IL1R2: variants seen among roughly 807,000 people sequenced by gnomAD.
The protein encoded by IL1R2 is interleukin-1 receptor type 2.
IL1R2 carries 46 observed loss-of-function variants against 39.5 expected under a neutral mutation model. The ratio of observed to expected loss-of-function variants is 1.16; its 90% CI spans 0.92 to 1.49. The LOEUF is 1.49. IL1R2 is among the 40% of genes most tolerant of loss of function. The pLI, the probability that IL1R2 is intolerant of heterozygous loss-of-function variation, is 0.00. For missense variants in IL1R2, 537 were observed against 502.0 expected (o/e 1.07, Z -0.67); for synonymous variants, 207 against 189.6 (o/e 1.09, Z -0.75).
At chr2:102,018,749 C>T (rs1380381793) in intron 4 of IL1R2, among the ~76,000 whole-genome samples, 1 of 152,126 alleles carries the variant, frequency 6.6e-6, no homozygotes, top group Non-Finnish European at 1.5e-5. Context: ...AAAACTCAAA[C>T]CCAGGAGGCC....
intron 2 of IL1R2, among the ~76,000 whole-genome samples, chr2:102,009,125 C>T (rs1387239299): frequency 2.6e-5 from 4 of 152,174 alleles, no homozygotes; most frequent in Non-Finnish European, 5.9e-5. Flanking sequence ...GAAGAAGTGA[C>T]GTGTTTGCCC....
intron 3 of IL1R2, among the ~76,000 whole-genome samples, chr2:102,011,309 T>C (rs1676615774): frequency 6.6e-6 from 1 of 152,232 alleles, no homozygotes; most frequent in African/African-American, 2.4e-5. Flanking sequence ...TGAGGAACTA[T>C]CATACTGTTT....
chr2:102,019,208 A>T (rs924133295), intron 4 of IL1R2, among the ~76,000 whole-genome samples: 1 of 152,176 alleles, frequency 6.6e-6, no homozygotes, highest in Non-Finnish European at 1.5e-5. Flanking sequence ...CAAAATTGAA[A>T]TGCTTTTTAA....
In IL1R2 at chr2:102,019,969, C is replaced by T. The variant is rs3218945; in HGVS notation, c.688+157C>T. Among the ~76,000 whole-genome samples the T allele has an allele frequency of 9.5e-3, 1,439 of 152,240 alleles. 22 individuals carry two copies. The highest frequency in any genetic ancestry group is 0.03 in the African/African-American group (1,239 of 41,538). On this transcript the variant is annotated intron_variant, in intron 5 of 8. Transcript: ENST00000332549. ...CTCCTGAAGCATCAGGTTAATAAGA[C>T]GTGTGTGATACTTTGAAAGGTATAA... is the stretch of plus-strand genomic sequence containing the variant.
chr2:102,002,759 T>TCTATAA (rs1675960834), intron 1 of IL1R2, among the ~76,000 whole-genome samples: 1 of 148,890 alleles, frequency 6.7e-6, no homozygotes, highest in Non-Finnish European at 1.5e-5. Flanking sequence ...TATATCTATA[T>TCTATAA]CTATATCTAT....
chr2:102,022,991 G>T (rs550035670), intron 6 of IL1R2, among the ~76,000 whole-genome samples: 1 of 152,284 alleles, frequency 6.6e-6, no homozygotes, highest in African/African-American at 2.4e-5. Flanking sequence ...AGGGCATCAC[G>T]TTGGCTCAGT....
chr2:102,015,488 C>T (rs1676937586), intron 3 of IL1R2, among the ~76,000 whole-genome samples: 1 of 152,234 alleles, frequency 6.6e-6, no homozygotes, highest in Non-Finnish European at 1.5e-5. Flanking sequence ...AGCGTTGTCA[C>T]TTAACTTACC....
Position 102,026,207 on chromosome 2 carries a change from C to A in IL1R2, c.984C>A (p.Val328=). ...TGCACATGGATTTTAAATGTGTTGT[C>A]CATAATACCCTGAGTTTTCAGACAC... ...EDLHMDFKCV[V]HNTLSFQTLR... Residue 328 remains valine (V), a synonymous_variant, in exon 8 of 9, where the codon GTC becomes GTA. Coordinates refer to ENST00000332549, the MANE Select transcript of IL1R2 (RefSeq NM_004633.4). The A allele has an allele frequency of 1.2e-6, 2 of 1,613,068 alleles. No individual in the cohort carries two copies. Among genetic ancestry groups the A allele is most frequent in the Non-Finnish European group, 1.7e-6 (2 of 1,179,422 alleles).
In IL1R2 at chr2:101,999,653, A is replaced by G. The variant is rs144618009; in HGVS notation, c.-62+7642A>G. On this transcript the variant is annotated intron_variant, in intron 1 of 8. Coordinates refer to ENST00000332549, the MANE Select transcript of IL1R2 (RefSeq NM_004633.4). ...GCCCAACCTCTGTATTTTAGAGGTG[A>G]AGAAACTGTGACTCAGAGATTGAGC... Among the ~76,000 whole-genome samples the G allele has an allele frequency of 3.6e-3, 553 of 152,336 alleles. 4 individuals are homozygous for G. Among genetic ancestry groups the G allele is most frequent in the African/African-American group, 0.012 (510 of 41,576 alleles).
chr2:101,995,440 C>T (rs1336491398), intron 1 of IL1R2, among the ~76,000 whole-genome samples: 1 of 152,102 alleles, frequency 6.6e-6, no homozygotes. Context: ...TCATAATAGC[C>T]CTGTGGGCTT....
intron 4 of IL1R2, among the ~76,000 whole-genome samples, chr2:102,018,837 A>G (rs1677175163): frequency 6.6e-6 from 1 of 152,230 alleles, no homozygotes; most frequent in African/African-American, 2.4e-5. Context: ...TCATGCTTAG[A>G]ACAATGAAAT....
chr2:102,001,404 TC>T (rs1305664300), intron 1 of IL1R2, among the ~76,000 whole-genome samples: 1 of 152,192 alleles, frequency 6.6e-6, no homozygotes, highest in Admixed American at 6.5e-5. Context: ...AAGATGGGTC[TC>T]CCTGCAACGT....
intron 3 of IL1R2, among the ~76,000 whole-genome samples, chr2:102,014,382 C>T (rs978738953): frequency 6.6e-6 from 1 of 152,226 alleles, no homozygotes; most frequent in African/African-American, 2.4e-5. Flanking sequence ...CTACTCGCTG[C>T]TGGCTACCTG....
Position 102,022,248 on chromosome 2 carries a change from G to A in IL1R2, c.750G>A (p.Leu250=). ...ISPLKTISAS[L]GSRLTIPCKV... is the part of the protein sequence containing the mutation. ...CCCTCAAGACCATATCAGCTTCTCT[G>A]GGTAAGGCCCACAAGGACCATGCAT... Residue 250 remains leucine (L), a splice_region_variant and synonymous_variant, in exon 6 of 9, where the codon CTG becomes CTA. Coordinates refer to ENST00000332549, the MANE Select transcript of IL1R2 (RefSeq NM_004633.4). 1 of 1,613,154 alleles carries A rather than the reference G, an allele frequency of 6.2e-7. No homozygotes were observed. The highest frequency in any genetic ancestry group is 8.5e-7 in the Non-Finnish European group (1 of 1,179,124).
intron 2 of IL1R2, 105 bp downstream of exon 2, chr2:102,008,747 G>T: frequency 1.0e-6 from 1 of 961,630 alleles, no homozygotes; most frequent in Non-Finnish European, 1.7e-6. Flanking sequence ...TGTGGGCCGA[G>T]CTCGGTGGCT....
intron 2 of IL1R2, 96 bp from the exon 3 acceptor site, chr2:102,009,466 C>T (rs986659994): frequency 6.5e-6 from 9 of 1,375,748 alleles, no homozygotes; most frequent in South Asian, 1.4e-5. Context: ...TCCAGGTTTC[C>T]CTGCCAGAAT....
At chr2:102,027,859 T>A (rs1389123036) in intron 8 of IL1R2, among the ~76,000 whole-genome samples, 1 of 152,194 alleles carries the variant, frequency 6.6e-6, no homozygotes, top group Admixed American at 6.5e-5. Context: ...ATGACACCCA[T>A]GCTCATTAGA....
At chr2:102,015,510 A>T (rs1393847704) in intron 3 of IL1R2, among the ~76,000 whole-genome samples, 1 of 152,192 alleles carries the variant, frequency 6.6e-6, no homozygotes, top group East Asian at 1.9e-4. Flanking sequence ...CTTAACACTT[A>T]ACTTACCCAA....
At chr2:101,992,346 G>C (rs1357627695) in intron 1 of IL1R2, among the ~76,000 whole-genome samples, 1 of 151,482 alleles carries the variant, frequency 6.6e-6, no homozygotes, top group Non-Finnish European at 1.5e-5. Flanking sequence ...GAGACAGAGA[G>C]AGACAGAGAA....
Sources: gnomAD v4.1 joint callset for allele counts (sites outside exome capture counted in the v4.1 genomes callset) on GRCh38, gnomAD v4.1.1 for gene constraint, MANE v1.5 for transcripts, NCBI Gene and HGNC (gene_info 2026-07-23, HGNC 2026-07-21) for gene names.